Variants in UNC45A observed in about 807,000 individuals in gnomAD.
UNC45A encodes the protein unc-45 myosin chaperone A.
A neutral mutation model predicts 103.2 loss-of-function variants in UNC45A; 78 were observed. The ratio of observed to expected loss-of-function variants is 0.76; its 90% CI spans 0.63 to 0.91. The LOEUF (loss-of-function observed/expected upper bound fraction) is 0.91. UNC45A is among the 40% of genes least tolerant of loss of function. The pLI is 0.00. For synonymous variants in UNC45A, 495 were observed against 504.6 expected (o/e 0.98, Z 0.25); for missense variants, 1,193 against 1,224.8 (o/e 0.97, Z 0.39).
In UNC45A at chr15:90,936,384, G is replaced by A. The variant is rs771865134; in HGVS notation, c.350G>A (p.Arg117Lys). 3 of 1,614,248 alleles carry A rather than the reference G, an allele frequency of 1.9e-6. No individual in the cohort carries two copies. Among genetic ancestry groups the A allele is most frequent in the Non-Finnish European group, 1.7e-6 (2 of 1,180,038 alleles). Residue 117 changes from arginine (R) to lysine (K), a missense_variant, in exon 4 of 20, where the codon AGA (arginine) becomes AAA (lysine). Coordinates refer to ENST00000418476, the MANE Select transcript of UNC45A (RefSeq NM_018671.5). ...RLDQAVLDLQRCVSLEPKNKV... is the reference protein window; with the variant it reads ...RLDQAVLDLQKCVSLEPKNKV... Reference sequence around the variant, plus strand: ...GACCAGGCTGTCCTTGACCTGCAGAGATGTGTGAGCTTGGAGCCCAAGAAC... The same window carrying A: ...GACCAGGCTGTCCTTGACCTGCAGAAATGTGTGAGCTTGGAGCCCAAGAAC...
At chr15:90,934,511 A>T (rs544886726), upstream of UNC45A, 622 of 398,830 alleles carry the variant, frequency 1.6e-3, 3 homozygotes, top group African/African-American at 0.012. Context: ...CCCTGTACCA[A>T]GTCAATCTGT....
In UNC45A at chr15:90,935,302, G is replaced by A. The variant is rs753246384; in HGVS notation, c.-23G>A. 3.1e-6 allele frequency: 5 copies of A among 1,595,748 alleles called. No homozygotes were observed. The highest frequency in any genetic ancestry group is 4.3e-6 in the Non-Finnish European group (5 of 1,173,926). ...CCCGCCCCAGAGACTGCGCCTGCGC[G>A]GGCACGAGACAACCTCTCCGCGATG... On this transcript the variant is annotated 5_prime_UTR_variant, in exon 1 of 20. Coordinates refer to ENST00000418476, the MANE Select transcript of UNC45A (RefSeq NM_018671.5).
intron 3 of UNC45A, 126 bp downstream of exon 3, chr15:90,936,108 C>T (rs891452167): frequency 6.5e-7 from 1 of 1,532,716 alleles, no homozygotes; most frequent in Non-Finnish European, 8.8e-7. Context: ...CTTTCTTTCC[C>T]ACTGCCTCGG....
chr15:90,950,412 C>T (rs895722827), intron 16 of UNC45A, 88 bp from the exon 17 acceptor site: 7 of 1,494,306 alleles, frequency 4.7e-6, no homozygotes, highest in African/African-American at 1.4e-5. Context: ...CAGCAGTACT[C>T]TCTTGGGGGT....
Position 90,946,797 on chromosome 15 carries a change from G to C in UNC45A, c.1383G>C (p.Leu461=), listed in dbSNP as rs1445564847. Reference sequence around the variant, plus strand: ...AGCAGCTGGTGGCCGTGGAGGCTCTGATCCATGCAGCCGGCAAGGCTAAGC... The same window carrying C: ...AGCAGCTGGTGGCCGTGGAGGCTCTCATCCATGCAGCCGGCAAGGCTAAGC... ...EEEQLVAVEA[L]IHAAGKAKRA... Residue 461 remains leucine (L), a synonymous_variant, in exon 10 of 20, where the codon CTG becomes CTC. Transcript: ENST00000418476. The C allele has an allele frequency of 1.2e-6, 2 of 1,614,136 alleles. No homozygotes were observed. The highest frequency in any genetic ancestry group is 2.7e-5 in the African/African-American group (2 of 74,946).
chr15:90,931,639 C>A, upstream of UNC45A: 1 of 1,613,890 alleles, frequency 6.2e-7, no homozygotes, highest in South Asian at 1.1e-5. Flanking sequence ...GGGAACTGAC[C>A]AACATGTGTC....
rs538334160 is a variant in UNC45A, at chr15:90,950,679, A to T, written c.2303+64A>T. ...CGGGATTCGGAATATCCCCCACAGCAGTTTACACATTGGGAAACACTCCTT... is the reference window on the plus strand; with the variant it reads ...CGGGATTCGGAATATCCCCCACAGCTGTTTACACATTGGGAAACACTCCTT... On this transcript the variant is annotated intron_variant, in intron 17 of 19. Coordinates refer to ENST00000418476, the MANE Select transcript of UNC45A (RefSeq NM_018671.5). 101 of 1,507,116 alleles carry T rather than the reference A, an allele frequency of 6.7e-5. No individual in the cohort carries two copies. In the Admixed American group the frequency reaches 1.5e-3, roughly 22 times the overall value. 93.4% of individuals were successfully genotyped at this position (1,507,116 alleles called of 1,614,324 possible). A position where few individuals can be genotyped will look rare whatever the true frequency, so the allele number is the denominator to read the frequency against.
upstream of UNC45A, chr15:90,933,984 C>G: frequency 2.5e-6 from 1 of 398,964 alleles, no homozygotes; most frequent in South Asian, 1.3e-4. Context: ...CAGTCACGGC[C>G]TAGAAAGAGA....
chr15:90,948,421 A>T, intron 12 of UNC45A, 138 bp downstream of exon 12: 2 of 1,371,504 alleles, frequency 1.5e-6, no homozygotes, highest in Non-Finnish European at 2.0e-6. Context: ...TGCTCTGTGT[A>T]GTGTGGGCAT....
chr15:90,933,186 C>G (rs1273666528), upstream of UNC45A: 1 of 152,262 alleles, frequency 6.6e-6, no homozygotes, highest in Admixed American at 6.5e-5. Flanking sequence ...CAGGAACTGC[C>G]TTTGTTTGTC....
Position 90,946,745 on chromosome 15 carries a change from C to T in UNC45A, c.1331C>T (p.Ala444Val). 2 of 1,613,980 alleles carry T rather than the reference C, an allele frequency of 1.2e-6. No individual in the cohort carries two copies. Among genetic ancestry groups the T allele is most frequent in the East Asian group, 2.2e-5 (1 of 44,884 alleles). The change falls in exon 10 of 20, where the codon GCT (alanine) becomes GTT (valine). Residue 444 changes from alanine to valine, a missense_variant. Ala to Val is a moderately conservative substitution (Grantham distance 64, BLOSUM62 0). Coordinates refer to ENST00000418476, the MANE Select transcript of UNC45A (RefSeq NM_018671.5). ...ELSGVMESVI[A>V]LCASEQEEEQ... ...AGCGGTGTCATGGAGAGTGTGATTG[C>T]TCTGTGTGCCTCTGAGCAGGAGGAG...
rs377097871 is a variant in UNC45A at position 90,945,301 on chromosome 15, G to A, written c.1199+238G>A. Among the ~76,000 whole-genome samples the A allele has an allele frequency of 5.1e-4, 78 of 152,170 alleles. 1 individual carries two copies. The South Asian group carries it at 0.014, about 28-fold the overall frequency. On this transcript the variant is annotated intron_variant, in intron 9 of 19. Coordinates refer to ENST00000418476, the MANE Select transcript of UNC45A (RefSeq NM_018671.5). ...TAATGCAACAAACGCCATCAAGCAC[G>A]TACTGGGTTTACCAAACACTTCCTA...
chr15:90,942,694 G>T, intron 7 of UNC45A, 89 bp downstream of exon 7: 1 of 1,589,100 alleles, frequency 6.3e-7, no homozygotes, highest in Non-Finnish European at 8.6e-7. Flanking sequence ...TTGGGGACCA[G>T]ACTTGCAGCT....
intron 15 of UNC45A, 128 bp downstream of exon 15, chr15:90,949,848 C>T (rs1053100663): frequency 1.1e-5 from 11 of 1,026,666 alleles, no homozygotes; most frequent in South Asian, 5.7e-5. Flanking sequence ...AGAGGAACAC[C>T]GTCCCGCTGA....
In UNC45A at chr15:90,942,612, G is replaced by A. The variant is rs761797976; in HGVS notation, c.856+7G>A. On this transcript the variant is annotated splice_region_variant and intron_variant, in intron 7 of 19. Coordinates refer to ENST00000418476, the MANE Select transcript of UNC45A (RefSeq NM_018671.5). ...GAAGGTGCCATCATTGTGGGTGAGTGGAAGCAGGTCTGGGGTCTTTTGGAC... is the reference window on the plus strand; with the variant it reads ...GAAGGTGCCATCATTGTGGGTGAGTAGAAGCAGGTCTGGGGTCTTTTGGAC... The A allele has an allele frequency of 1.9e-6, 3 of 1,614,166 alleles. No homozygotes were observed. Among genetic ancestry groups the A allele is most frequent in the East Asian group, 4.5e-5 (2 of 44,888 alleles).
intron 4 of UNC45A, 134 bp from the exon 5 acceptor site, chr15:90,939,597 A>G: frequency 1.2e-6 from 1 of 800,006 alleles, no homozygotes; most frequent in South Asian, 1.7e-5. Flanking sequence ...TGCCCAGGGT[A>G]GCTAGGTGCT....
At chr15:90,945,549 C>CG (rs2036520617) in intron 9 of UNC45A, among the ~76,000 whole-genome samples, 1 of 151,812 alleles carries the variant, frequency 6.6e-6, no homozygotes, top group Non-Finnish European at 1.5e-5. Context: ...TTAGTAGAGA[C>CG]GGGGTTTCTC....
At chr15:90,943,444 AAAG>A (rs2151363915) in intron 8 of UNC45A, among the ~76,000 whole-genome samples, 1 of 151,582 alleles carries the variant, frequency 6.6e-6, no homozygotes, top group Admixed American at 6.6e-5. Context: ...AAAAAAAAAA[AAAG>A]AAAGAAAAGT....
Position 90,949,634 on chromosome 15 carries a change from C to A in UNC45A, c.2007-20C>A. 6.2e-7 allele frequency: 1 copy of A among 1,613,834 alleles called. No homozygotes were observed. Among genetic ancestry groups the A allele is most frequent in the Non-Finnish European group, 8.5e-7 (1 of 1,179,886 alleles). The stretch of plus-strand genomic sequence containing the variant: ...CCAGAGTCCCAGAGCTGCCTGCCCA[C>A]CACCGCCTTCTCCCCACAGGGTCTT... On this transcript the variant is annotated intron_variant, in intron 14 of 19. Coordinates refer to ENST00000418476, the MANE Select transcript of UNC45A (RefSeq NM_018671.5).
Sources: allele counts gnomAD v4.1 joint callset (sites outside exome capture counted in the v4.1 genomes callset), GRCh38; gene constraint gnomAD v4.1.1; transcripts MANE v1.5; gene names NCBI Gene and HGNC (gene_info 2026-07-23, HGNC 2026-07-21).